GAREM2: variants seen among roughly 807,000 people sequenced by gnomAD.
GAREM2 encodes GRB2 associated regulator of MAPK1 subtype 2.
Under a neutral mutation model 55.6 loss-of-function variants are expected in GAREM2, and 30 were observed. That is an observed-to-expected ratio of 0.54 (90% CI 0.40 to 0.73). The LOEUF (loss-of-function observed/expected upper bound fraction) is 0.73, where lower values mean the gene tolerates loss of function less well. Among genes scored for constraint, GAREM2 ranks in the 30% least tolerant of loss-of-function variants. The pLI is 0.00. For missense variants in GAREM2, 1,075 were observed against 1,257.7 expected (o/e 0.85, Z 2.20); for synonymous variants, 550 against 569.1 (o/e 0.97, Z 0.48).
chr2:26,185,235 C>T lies in GAREM2; in HGVS notation c.1387C>T (p.Pro463Ser). 1 of 1,521,268 alleles carries T rather than the reference C, an allele frequency of 6.6e-7. No homozygotes were observed. Among genetic ancestry groups the T allele is most frequent in the Non-Finnish European group, 8.8e-7 (1 of 1,141,274 alleles). 94.2% of individuals were successfully genotyped at this position (1,521,268 alleles called of 1,614,324 possible). ...GGCCGCGGGACCGCCGCGTCGGGAG[C>T]CGGAAGCGCCGCCGCCTCCAGTCCC... ...FGAAGPPRRE[P>S]EAPPPPVPPK... is the part of the protein sequence containing the mutation. The change falls in exon 4 of 6, where the codon CCG (proline) becomes TCG (serine). Residue 463 changes from proline to serine, a missense_variant. This residue lies in a region of GAREM2 where 515 missense variants were observed against 501.5 expected (regional missense o/e 1.03). Transcript: ENST00000401533.
chr2:26,193,885 AC>A, downstream of GAREM2: 1 of 815,516 alleles, frequency 1.2e-6, no homozygotes, highest in South Asian at 1.5e-5. Context: ...TCTGAGTGTC[AC>A]CTGACCAGGC....
In GAREM2 at chr2:26,187,804, A is replaced by G. The variant is rs775037485; in HGVS notation, c.2172A>G (p.Ala724=). 348 of 1,443,588 alleles carry G rather than the reference A, an allele frequency of 2.4e-4. No homozygotes were observed. The highest frequency in any genetic ancestry group is 2.5e-4 in the Non-Finnish European group (272 of 1,093,756). The allele number at this position is 1,443,588 out of a possible 1,614,324, so 89.4% of individuals were successfully genotyped here. A position where few individuals can be genotyped will look rare whatever the true frequency, so the allele number is the denominator to read the frequency against. ...PELLRSQEPR[A]VGTPGPGPRL... ...TGCTGCGTTCTCAGGAGCCCAGAGC[A>G]GTGGGGACACCTGGGCCTGGACCCC... Residue 724 remains alanine (A), a synonymous_variant, in exon 6 of 6, where the codon GCA becomes GCG. Transcript: ENST00000401533.
the GAREM2 span, chr2:26,204,084 C>T: frequency 5.6e-6 from 9 of 1,613,924 alleles, no homozygotes; most frequent in Non-Finnish European, 7.6e-6. Flanking sequence ...TGTTGCTGTC[C>T]TCGGTCTAGC....
intron 2 of GAREM2, among the ~76,000 whole-genome samples, chr2:26,177,522 T>C (rs1469708428): frequency 1.3e-5 from 2 of 152,170 alleles, no homozygotes; most frequent in Non-Finnish European, 2.9e-5. Flanking sequence ...TCATTTTTTG[T>C]GTTTTTAGAG....
Position 26,173,168 on chromosome 2 carries a change from G to A in GAREM2, c.-53G>A. On this transcript the variant is annotated 5_prime_UTR_variant, in exon 1 of 6. Coordinates refer to ENST00000401533, the MANE Select transcript of GAREM2 (RefSeq NM_001168241.2). ...GGCGGCGGGCGCGAGAGCCTGGGCC[G>A]CGCGGGACTGACCGTCGGGGCCCCG... The A allele has an allele frequency of 3.0e-6, 2 of 671,502 alleles. No homozygotes were observed. Among genetic ancestry groups the A allele is most frequent in the East Asian group, 5.3e-5 (1 of 18,834 alleles). 41.6% of individuals were successfully genotyped at this position (671,502 alleles called of 1,614,324 possible).
rs12987199 is a variant in GAREM2 at position 26,184,620 on chromosome 2, A to G, written c.772A>G (p.Ile258Val). Residue 258 changes from isoleucine to valine, a missense_variant, in exon 4 of 6, where the codon ATC becomes GTC. Ile to Val is a conservative substitution (Grantham distance 29, BLOSUM62 3). Around this residue, in one of 6 missense-constraint regions of GAREM2, gnomAD observed 170 missense variants for 220.7 expected, o/e 0.77. Coordinates refer to ENST00000401533, the MANE Select transcript of GAREM2 (RefSeq NM_001168241.2). ...QEGEHTVRAI[I>V]ERVRLPVNVL... is the part of the protein sequence containing the mutation. ...GGGCGAGCACACGGTGCGCGCCATC[A>G]TCGAGCGCGTGAGGCTGCCGGTGAA... The G allele has an allele frequency of 6.5e-7, 1 of 1,548,098 alleles. No individual in the cohort carries two copies. The highest frequency in any genetic ancestry group is 8.7e-7 in the Non-Finnish European group (1 of 1,145,998).
downstream of GAREM2, chr2:26,193,811 A>G (rs1391828925): frequency 5.9e-6 from 9 of 1,533,578 alleles, no homozygotes; most frequent in Non-Finnish European, 8.1e-6. Flanking sequence ...GGGGAAGGGC[A>G]GCCCAAATCC....
In GAREM2 at chr2:26,185,009, C is replaced by T; in HGVS notation, c.1161C>T (p.Ala387=). The T allele has an allele frequency of 9.0e-7, 1 of 1,106,354 alleles. No homozygotes were observed. Among genetic ancestry groups the T allele is most frequent in the Admixed American group, 5.1e-5 (1 of 19,522 alleles). The allele number at this position is 1,106,354 out of a possible 1,614,324, so 68.5% of individuals were successfully genotyped here. ...GCCTCTGCCTGCCCGCGCCGCGCGC[C>T]CCCGGGCTCGCCCGCGCCCCCGGCC... The part of the protein sequence containing the change: ...RARLCLPAPR[A]PGLARAPGPL... Residue 387 remains alanine (A), a synonymous_variant, in exon 4 of 6, where the codon GCC becomes GCT. Transcript: ENST00000401533.
At position 26,173,292 on chromosome 2, in the gene GAREM2, C is replaced by T. The variant is rs1462270067; in HGVS notation, c.72C>T (p.Val24=). 1.5e-5 allele frequency: 22 copies of T among 1,436,946 alleles called. No individual in the cohort carries two copies. The highest frequency in any genetic ancestry group is 2.0e-5 in the Non-Finnish European group (22 of 1,092,906). 89.0% of individuals were successfully genotyped at this position (1,436,946 alleles called of 1,614,324 possible). The change falls in exon 1 of 6, where the codon GTC becomes GTT. Residue 24 remains valine, a synonymous_variant. Coordinates refer to ENST00000401533, the MANE Select transcript of GAREM2 (RefSeq NM_001168241.2). ...SMGAFPLDLI[V]SRCRLPTLAC... Reference sequence around the variant, plus strand: ...GCGCCTTCCCGCTCGACCTCATCGTCAGCCGCTGCCGCCTGCCCACGCTCG... The same window carrying T: ...GCGCCTTCCCGCTCGACCTCATCGTTAGCCGCTGCCGCCTGCCCACGCTCG...
the GAREM2 span, among the ~76,000 whole-genome samples, chr2:26,203,404 C>T: frequency 1.3e-5 from 2 of 152,150 alleles, no homozygotes; most frequent in Non-Finnish European, 2.9e-5. Flanking sequence ...TCCACCTTCC[C>T]CTCTGCAAAA....
chr2:26,201,217 C>G, the GAREM2 span: 13 of 1,613,628 alleles, frequency 8.1e-6, 1 homozygote, highest in East Asian at 2.9e-4. Context: ...ATCACCATGT[C>G]GGCCTTTTCA....
chr2:26,178,889 A>AGGAGGCGGAGGAGGCGGAGGCGGAGGC (rs577641882), intron 2 of GAREM2, among the ~76,000 whole-genome samples: 3 of 149,820 alleles, frequency 2.0e-5, no homozygotes, highest in South Asian at 2.2e-4. Flanking sequence ...GGAGGGGAGG[A>AGGAGGCGGAGGAGGCGGAGGCGGAGGC]GGAGGCGGAG....
downstream of GAREM2, chr2:26,191,443 C>T (rs751732102): frequency 2.8e-5 from 45 of 1,614,058 alleles, no homozygotes; most frequent in Non-Finnish European, 3.4e-5. Context: ...ACACGGGCTC[C>T]AGGCTAAAGT....
intron 1 of GAREM2, 53 bp from the exon 2 acceptor site, chr2:26,176,291 T>C: frequency 6.9e-7 from 1 of 1,454,408 alleles, no homozygotes; most frequent in Non-Finnish European, 9.2e-7. Flanking sequence ...TTCTGCCCCT[T>C]CTAATGTCCT....
At chr2:26,185,374 C>G in intron 4 of GAREM2, 98 bp downstream of exon 4, 1 of 1,386,152 alleles carries the variant, frequency 7.2e-7, no homozygotes, top group Non-Finnish European at 9.3e-7. Flanking sequence ...GACGAGGTGT[C>G]TTCCTCGGCG....
chr2:26,183,128 C>T (rs1237036728), intron 3 of GAREM2, 31 bp downstream of exon 3: 2 of 1,548,514 alleles, frequency 1.3e-6, no homozygotes, highest in Non-Finnish European at 8.7e-7. Flanking sequence ...GTGTGGTGTC[C>T]CCACACTACT....
At position 26,184,598 on chromosome 2, in the gene GAREM2, C is replaced by A. The variant is rs1030094532; in HGVS notation, c.750C>A (p.Gly250=). ...RSPLELQMQE[G]EHTVRAIIER... is the part of the protein sequence containing the mutation. ...CGCTGGAGCTGCAGATGCAAGAGGGCGAGCACACGGTGCGCGCCATCATCG... is the reference window on the plus strand; with the variant it reads ...CGCTGGAGCTGCAGATGCAAGAGGGAGAGCACACGGTGCGCGCCATCATCG... Residue 250 remains glycine (G), a synonymous_variant, in exon 4 of 6, where the codon GGC becomes GGA. Transcript: ENST00000401533. 1.3e-6 allele frequency: 2 copies of A among 1,548,354 alleles called. No homozygotes were observed. The highest frequency in any genetic ancestry group is 1.7e-6 in the Non-Finnish European group (2 of 1,146,182).
chr2:26,202,569 C>T, the GAREM2 span, among the ~76,000 whole-genome samples: 5 of 152,104 alleles, frequency 3.3e-5, no homozygotes, highest in Admixed American at 6.6e-5. Context: ...GGTGAAATCC[C>T]GTCTCTATAA....
downstream of GAREM2, among the ~76,000 whole-genome samples, chr2:26,193,293 CT>C (rs370942158): frequency 8.5e-4 from 98 of 115,156 alleles, 1 homozygote; most frequent in Middle Eastern, 0.01. Flanking sequence ...CACATGACAT[CT>C]TTTTTTTTTT....
Sources: allele counts gnomAD v4.1 joint callset (sites outside exome capture counted in the v4.1 genomes callset), GRCh38; gene constraint gnomAD v4.1.1; regional missense constraint gnomAD v4.1.1; transcripts MANE v1.5; gene names NCBI Gene and HGNC (gene_info 2026-07-23, HGNC 2026-07-21).